The following ALK variants were observed in gnomAD, a reference collection of about 807,000 sequenced individuals.
The protein encoded by ALK is ALK receptor tyrosine kinase, also known as ALK tyrosine kinase receptor.
Under a neutral mutation model 163.1 loss-of-function variants are expected in ALK, and 74 were observed. That is an observed-to-expected ratio of 0.45 (90% confidence interval 0.38 to 0.55). The LOEUF (loss-of-function observed/expected upper bound fraction) is 0.55. Ranked by LOEUF, ALK falls within the 20% of genes least tolerant of loss-of-function variation. The probability of loss-of-function intolerance (pLI) is 0.00; values close to 1 mark genes in which losing one functional copy is unlikely to be tolerated. For missense variants in ALK, 2,063 were observed against 2,105.3 expected (o/e 0.98, Z 0.39); for synonymous variants, 960 against 843.2 (o/e 1.14, Z -2.40).
chr2:29,781,198 C>T (rs1325917733), intron 1 of ALK, among the ~76,000 whole-genome samples: 2 of 152,220 alleles, frequency 1.3e-5, no homozygotes, highest in South Asian at 2.1e-4. Flanking sequence ...GAAGGCTGCT[C>T]AACATCTGTC....
At chr2:29,366,133 T>G (rs1668501206) in intron 5 of ALK, among the ~76,000 whole-genome samples, 3 of 152,098 alleles carry the variant, frequency 2.0e-5, no homozygotes, top group Admixed American at 2.0e-4. Context: ...AAACTTTGAA[T>G]ATCTGGAACC....
At chr2:29,248,303 C>T (rs1664736767) in intron 12 of ALK, among the ~76,000 whole-genome samples, 1 of 152,084 alleles carries the variant, frequency 6.6e-6, no homozygotes, top group African/African-American at 2.4e-5. Flanking sequence ...TGGTGAAACC[C>T]CGTCTCTACT....
chr2:29,526,621 T>C (rs1672966841), intron 4 of ALK, among the ~76,000 whole-genome samples: 1 of 152,248 alleles, frequency 6.6e-6, no homozygotes, highest in East Asian at 1.9e-4. Context: ...GAAATCATTG[T>C]GACACTGCCA....
chr2:29,625,915 T>C (rs1247011773), intron 3 of ALK, among the ~76,000 whole-genome samples: 2 of 152,206 alleles, frequency 1.3e-5, no homozygotes, highest in Non-Finnish European at 2.9e-5. Context: ...TCTTTATGCT[T>C]CACCTGGGGA....
At chr2:29,915,139 C>T (rs1480960387) in intron 1 of ALK, among the ~76,000 whole-genome samples, 2 of 152,208 alleles carry the variant, frequency 1.3e-5, no homozygotes, top group African/African-American at 2.4e-5. Flanking sequence ...GGTTGCCAGG[C>T]AGTGATCCTG....
intron 3 of ALK, among the ~76,000 whole-genome samples, chr2:29,664,503 C>T (rs1436351187): frequency 6.6e-6 from 1 of 151,998 alleles, no homozygotes; most frequent in East Asian, 1.9e-4. Flanking sequence ...CTTGTGGCTA[C>T]CCTTTCCTCA....
chr2:29,820,843 G>A (rs1046150655), intron 1 of ALK, among the ~76,000 whole-genome samples: 1 of 152,204 alleles, frequency 6.6e-6, no homozygotes, highest in Non-Finnish European at 1.5e-5. Flanking sequence ...TCAGAGAGCT[G>A]GAGCTACTGC....
chr2:29,828,797 C>G (rs1484646663), intron 1 of ALK, among the ~76,000 whole-genome samples: 1 of 152,008 alleles, frequency 6.6e-6, no homozygotes, highest in Non-Finnish European at 1.5e-5. Flanking sequence ...CCATTTGACC[C>G]AGCCATCCCA....
At chr2:29,207,096 A>C in intron 26 of ALK, 75 bp downstream of exon 26, 1 of 1,151,232 alleles carries the variant, frequency 8.7e-7, no homozygotes, top group Non-Finnish European at 1.3e-6. Flanking sequence ...CTCCCGGCTT[A>C]GAGTATAGAG....
At chr2:29,904,536 G>A (rs1213156825) in intron 1 of ALK, among the ~76,000 whole-genome samples, 1 of 152,132 alleles carries the variant, frequency 6.6e-6, no homozygotes, top group African/African-American at 2.4e-5. Flanking sequence ...TAAAACAGAA[G>A]ATAATGGATA....
intron 1 of ALK, among the ~76,000 whole-genome samples, chr2:29,913,793 C>G (rs1256602387): frequency 6.6e-6 from 1 of 152,138 alleles, no homozygotes; most frequent in Non-Finnish European, 1.5e-5. Context: ...TTTAACTGCT[C>G]TTAATGTGCT....
chr2:29,630,219 C>A (rs558984253), intron 3 of ALK, among the ~76,000 whole-genome samples: 2 of 152,018 alleles, frequency 1.3e-5, no homozygotes, highest in African/African-American at 2.4e-5. Flanking sequence ...CAAAGTAGAT[C>A]GTGGATATTT....
At chr2:29,516,711 G>A (rs1272212349) in intron 4 of ALK, among the ~76,000 whole-genome samples, 1 of 152,208 alleles carries the variant, frequency 6.6e-6, no homozygotes, top group Non-Finnish European at 1.5e-5. Flanking sequence ...GTGAAATGGG[G>A]ATAATAATAT....
intron 1 of ALK, among the ~76,000 whole-genome samples, chr2:29,902,648 C>T (rs1156248723): frequency 6.6e-6 from 1 of 152,214 alleles, no homozygotes; most frequent in Non-Finnish European, 1.5e-5. Context: ...CCCAGTAGAG[C>T]ATGAGGCTCA....
At chr2:29,268,626 C>A (rs1325445178) in intron 11 of ALK, among the ~76,000 whole-genome samples, 2 of 152,202 alleles carry the variant, frequency 1.3e-5, no homozygotes, top group Non-Finnish European at 2.9e-5. Context: ...ATGATGTTGT[C>A]TGCATTGGGC....
At position 29,232,409 on chromosome 2, in the gene ALK, C is replaced by T. The variant is rs748379491; in HGVS notation, c.2527G>A (p.Gly843Arg). The T allele has an allele frequency of 1.3e-5, 21 of 1,614,148 alleles. No individual in the cohort carries two copies. The highest frequency in any genetic ancestry group is 1.6e-5 in the Non-Finnish European group (19 of 1,180,046). ...GVPVPLIIAA[G>R]GGGRAYGAKT... Reference sequence around the variant, plus strand: ...GCCCCGTAGGCCCTGCCACCACCTCCGGCTGCAATGATCAGGGGCACCGGC... The same window carrying T: ...GCCCCGTAGGCCCTGCCACCACCTCTGGCTGCAATGATCAGGGGCACCGGC... The change falls in exon 15 of 29, where the codon GGA becomes AGA. Residue 843 changes from glycine to arginine, a missense_variant. Transcript: ENST00000389048.
chr2:29,238,172 C>T (rs1248486470), intron 13 of ALK, among the ~76,000 whole-genome samples: 5 of 152,182 alleles, frequency 3.3e-5, no homozygotes, highest in African/African-American at 4.8e-5. Context: ...AGCAAAGCTG[C>T]CACATCCGGC....
chr2:29,400,408 C>G lies in ALK; in HGVS notation c.1155-16549G>C, dbSNP rs72792443. Reference sequence around the variant, plus strand: ...TGGGAGATCCATGCTCTTGAGTGACCCTTCTCGCTTTGGTCCAACCCATTA... The same window carrying G: ...TGGGAGATCCATGCTCTTGAGTGACGCTTCTCGCTTTGGTCCAACCCATTA... On this transcript the variant is annotated intron_variant, in intron 4 of 28. Transcript: ENST00000389048. Among the ~76,000 whole-genome samples the G allele has an allele frequency of 6.0e-3, 907 of 152,176 alleles. 3 individuals carry two copies. The highest frequency in any genetic ancestry group is 0.01 in the Middle Eastern group (3 of 294).
At chr2:29,403,282 T>C (rs546009486) in intron 4 of ALK, among the ~76,000 whole-genome samples, 2 of 152,310 alleles carry the variant, frequency 1.3e-5, no homozygotes, top group South Asian at 2.1e-4. Context: ...GCCTTCCAGA[T>C]GGGCAAGACT....
Sources: allele counts gnomAD v4.1 joint callset (sites outside exome capture counted in the v4.1 genomes callset), GRCh38; gene constraint gnomAD v4.1.1; transcripts MANE v1.5; gene names NCBI Gene and HGNC (gene_info 2026-07-23, HGNC 2026-07-21).